Variants in PALS2 observed in about 807,000 individuals in gnomAD.
PALS2 encodes protein PALS2.
A neutral mutation model predicts 61.6 loss-of-function variants in PALS2; 27 were observed. That is an observed-to-expected ratio of 0.44 (90% CI 0.32 to 0.60). The LOEUF (loss-of-function observed/expected upper bound fraction) is 0.60, where lower values mean the gene tolerates loss of function less well. Ranked by LOEUF, PALS2 falls within the 20% of genes least tolerant of loss-of-function variation. PALS2 has a pLI of 0.05. For synonymous variants in PALS2, 236 were observed against 218.6 expected (o/e 1.08, Z -0.70); for missense variants, 554 against 639.4 (o/e 0.87, Z 1.44).
Position 24,687,593 on chromosome 7 carries a change from C to T in PALS2, c.1602C>T (p.Val534=), listed in dbSNP as rs755670924. 1.2e-6 allele frequency: 2 copies of T among 1,608,356 alleles called. No individual in the cohort carries two copies. The highest frequency in any genetic ancestry group is 4.5e-5 in the East Asian group (2 of 44,644). The change falls in exon 12 of 12, where the codon GTC becomes GTT. Residue 534 remains valine, a synonymous_variant. Coordinates refer to ENST00000222644, the MANE Select transcript of PALS2 (RefSeq NM_001303037.2). The surrounding 1 kb of genome is among the most constrained non-coding windows in gnomAD (Gnocchi z 4.5). ...AACTGAGAATGGAACCACAGTGGGT[C>T]CCAATCAGCTGGGTTTACTGATGAT... The part of the protein sequence containing the change: ...IEKLRMEPQW[V]PISWVY
rs185782891 is a variant in PALS2 at position 24,657,829 on chromosome 7, A to G, written c.652-5761A>G. On this transcript the variant is annotated intron_variant, in intron 5 of 11. Coordinates refer to ENST00000222644, the MANE Select transcript of PALS2 (RefSeq NM_001303037.2). ...TTCTACAAGTTTTACAGTTCTATCT[A>G]TGCTGTACCTCTGAGTCTATGATAC... 5.3e-5 allele frequency among the ~76,000 whole-genome samples: 8 copies of G among 152,298 alleles called. No individual in the cohort carries two copies. In the East Asian group the frequency reaches 5.8e-4, roughly 11 times the overall value.
chr7:24,630,581 C>T (rs1424062735), intron 2 of PALS2, among the ~76,000 whole-genome samples: 2 of 152,178 alleles, frequency 1.3e-5, no homozygotes, highest in African/African-American at 2.4e-5. Context: ...AACAGATTTT[C>T]GATGCAGACA....
intron 5 of PALS2, 90 bp downstream of exon 5, chr7:24,650,802 TAAAGA>T (rs1786106018): frequency 2.1e-6 from 2 of 937,766 alleles, no homozygotes; most frequent in Admixed American, 3.2e-5. Flanking sequence ...ACTATTTTGC[TAAAGA>T]AAAGAGAAAA....
chr7:24,643,311 G>A (rs1453798856), intron 3 of PALS2, among the ~76,000 whole-genome samples: 1 of 152,024 alleles, frequency 6.6e-6, no homozygotes, highest in African/African-American at 2.4e-5. Flanking sequence ...TATATGAAGT[G>A]TAGCATATAA....
chr7:24,638,369 C>G (rs1203557442), intron 2 of PALS2, among the ~76,000 whole-genome samples: 1 of 10,806 alleles, frequency 9.3e-5, no homozygotes, highest in Non-Finnish European at 1.2e-4. Flanking sequence ...CTCGCTCTGT[C>G]GCCCAGGCTG....
At chr7:24,644,949 T>A (rs1785754950) in intron 3 of PALS2, among the ~76,000 whole-genome samples, 1 of 151,964 alleles carries the variant, frequency 6.6e-6, no homozygotes, top group Non-Finnish European at 1.5e-5. Context: ...TGTCTTCTTT[T>A]GAGAAGTGTC....
chr7:24,607,422 C>G (rs1032564394), intron 1 of PALS2, among the ~76,000 whole-genome samples: 1 of 151,702 alleles, frequency 6.6e-6, no homozygotes, highest in Non-Finnish European at 1.5e-5. Context: ...TCTAGGAATT[C>G]TACTTTTAGC....
intron 1 of PALS2, among the ~76,000 whole-genome samples, chr7:24,612,473 A>G (rs942240532): frequency 1.3e-5 from 2 of 151,744 alleles, no homozygotes; most frequent in East Asian, 1.9e-4. Context: ...TGGGATTTCT[A>G]TTAGGATTTA....
rs117927165 is a variant in PALS2 at position 24,649,685 on chromosome 7, A to G, written c.344A>G (p.Asn115Ser). The G allele has an allele frequency of 3.1e-3, 4,968 of 1,612,078 alleles. 12 individuals are homozygous for G. The highest frequency in any genetic ancestry group is 3.6e-3 in the Non-Finnish European group (4,201 of 1,179,076). ...CCTCCATCAAGCCCAGAAATGAATA[A>G]TTCTTCTATCAATAATCAGTTATTA... Reference protein sequence around the residue: ...DSPPSSPEMNNSSINNQLLPV... With the variant: ...DSPPSSPEMNSSSINNQLLPV... The change falls in exon 4 of 12, where the codon AAT becomes AGT. Residue 115 changes from asparagine to serine, a missense_variant. Coordinates refer to ENST00000222644, the MANE Select transcript of PALS2 (RefSeq NM_001303037.2).
intron 1 of PALS2, among the ~76,000 whole-genome samples, chr7:24,621,534 T>C (rs181773875): frequency 5.7e-4 from 86 of 152,016 alleles, no homozygotes; most frequent in Admixed American, 5.6e-3. Flanking sequence ...TAACAGAAAA[T>C]AGATAATGTC....
chr7:24,623,026 G>A (rs1784585583), intron 1 of PALS2, among the ~76,000 whole-genome samples: 1 of 151,788 alleles, frequency 6.6e-6, no homozygotes, highest in Non-Finnish European at 1.5e-5. Context: ...AGTGAACTTG[G>A]CCATTATGTA....
intron 9 of PALS2, among the ~76,000 whole-genome samples, chr7:24,671,665 A>G (rs1392565284): frequency 1.3e-5 from 2 of 152,158 alleles, no homozygotes; most frequent in African/African-American, 2.4e-5. Flanking sequence ...AGTTTATACT[A>G]CTGACTCTTA....
intron 2 of PALS2, among the ~76,000 whole-genome samples, chr7:24,631,175 T>C (rs1784983208): frequency 6.6e-6 from 1 of 152,180 alleles, no homozygotes; most frequent in South Asian, 2.1e-4. Flanking sequence ...TTGTGATGCA[T>C]GGGAGAAGGT....
Position 24,618,147 on chromosome 7 carries a change from A to G in PALS2, c.-2-5519A>G, listed in dbSNP as rs890271974. Among the ~76,000 whole-genome samples the G allele has an allele frequency of 3.3e-5, 5 of 152,154 alleles. No homozygotes were observed. Among genetic ancestry groups the G allele is most frequent in the African/African-American group, 1.2e-4 (5 of 41,422 alleles). The stretch of plus-strand genomic sequence containing the variant: ...TTCAGGCTCAGGACATGGGTGTGCA[A>G]CTACCCGGCCACCATGGGGACATGT... On this transcript the variant is annotated intron_variant, in intron 1 of 11. Coordinates refer to ENST00000222644, the MANE Select transcript of PALS2 (RefSeq NM_001303037.2). This position sits in a 1 kb window ranked among gnomAD's most constrained non-coding sequence, Gnocchi z 5.1.
chr7:24,620,487 A>G (rs75750691), intron 1 of PALS2, among the ~76,000 whole-genome samples: 3,251 of 152,254 alleles, frequency 0.021, 127 homozygotes, highest in African/African-American at 0.074. Flanking sequence ...TAAATTCCAT[A>G]TGATTAAGAG....
At chr7:24,598,819 C>T (rs1158800124) in intron 1 of PALS2, among the ~76,000 whole-genome samples, 2 of 152,166 alleles carry the variant, frequency 1.3e-5, no homozygotes, top group Non-Finnish European at 2.9e-5. Flanking sequence ...TTAATGTGAG[C>T]ATTCATGCCC....
intron 2 of PALS2, among the ~76,000 whole-genome samples, chr7:24,638,053 A>G (rs1785326237): frequency 6.6e-6 from 1 of 151,836 alleles, no homozygotes; most frequent in African/African-American, 2.4e-5. Flanking sequence ...TGTCTTTTTT[A>G]GTTTGATTAG....
intron 9 of PALS2, among the ~76,000 whole-genome samples, chr7:24,674,916 A>G (rs1328755808): frequency 6.6e-6 from 1 of 152,192 alleles, no homozygotes; most frequent in Admixed American, 6.5e-5. Flanking sequence ...CATTATTTGA[A>G]GAGCAGCTAA....
Position 24,690,397 on chromosome 7 carries a change from T to G in PALS2, c.*2783T>G, listed in dbSNP as rs1038893676. ...GAAGCGAAAATGGTTTAGAGTGGTGTTGAGCAATTGTTAAGAGTTGAAATA... is the reference window on the plus strand; with the variant it reads ...GAAGCGAAAATGGTTTAGAGTGGTGGTGAGCAATTGTTAAGAGTTGAAATA... On this transcript the variant is annotated 3_prime_UTR_variant, in exon 12 of 12. Transcript: ENST00000222644. The G allele has an allele frequency of 6.6e-6, 1 of 152,158 alleles. No homozygotes were observed. Among genetic ancestry groups the G allele is most frequent in the Non-Finnish European group, 1.5e-5 (1 of 68,034 alleles). The allele number at this position is 152,158 out of a possible 1,614,324, so 9.4% of individuals were successfully genotyped here.
Sources: gnomAD v4.1 joint callset for allele counts (sites outside exome capture counted in the v4.1 genomes callset) on GRCh38, gnomAD v4.1.1 for gene constraint, Gnocchi (gnomAD v3.1) non-coding constraint, MANE v1.5 for transcripts, NCBI Gene and HGNC (gene_info 2026-07-23, HGNC 2026-07-21) for gene names.